The following ARIH2 variants were observed in gnomAD, a reference collection of about 807,000 sequenced individuals.
ARIH2 encodes ariadne RBR E3 ubiquitin protein ligase 2, also known as E3 ubiquitin-protein ligase ARIH2.
In ARIH2, 12 loss-of-function variants were observed where a neutral mutation model predicts 79.8. The observed-to-expected ratio is 0.15, with a 90% CI of 0.10 to 0.24. ARIH2 has a LOEUF of 0.24. ARIH2 is among the 10% of genes least tolerant of loss of function. ARIH2 has a pLI of 1.00. For missense variants in ARIH2, 301 were observed against 618.3 expected (o/e 0.49, Z 5.44); for synonymous variants, 224 against 213.9 (o/e 1.05, Z -0.41).
intron 1 of ARIH2, 36 bp from the exon 2 acceptor site, chr3:48,922,712 G>A (rs1362453472): frequency 6.6e-6 from 1 of 151,922 alleles, no homozygotes. Flanking sequence ...CAGTATACCA[G>A]CTTTAAAAAT....
intron 3 of ARIH2, among the ~76,000 whole-genome samples, chr3:48,938,766 G>A (rs1178162246): frequency 6.6e-6 from 1 of 151,954 alleles, no homozygotes; most frequent in Non-Finnish European, 1.5e-5. Context: ...ATTACAAAAT[G>A]TAAGCCAGTT....
intron 5 of ARIH2, among the ~76,000 whole-genome samples, chr3:48,966,550 G>C (rs1327984766): frequency 1.3e-5 from 2 of 152,044 alleles, no homozygotes; most frequent in African/African-American, 2.4e-5. Flanking sequence ...TGTGACATCT[G>C]GTGTATTAAG....
chr3:48,934,873 C>T (rs1032235543), intron 3 of ARIH2: 2 of 985,348 alleles, frequency 2.0e-6, no homozygotes, highest in Non-Finnish European at 2.4e-6. Flanking sequence ...TCAAGGCCAG[C>T]TTTCATTCTA....
chr3:48,944,843 C>G (rs1298532299), intron 3 of ARIH2: 1 of 309,676 alleles, frequency 3.2e-6, no homozygotes, highest in Non-Finnish European at 6.4e-6. Flanking sequence ...CCACATCATC[C>G]CTTGTCCCCC....
chr3:48,940,370 T>G (rs903469965), intron 3 of ARIH2, among the ~76,000 whole-genome samples: 3 of 151,784 alleles, frequency 2.0e-5, no homozygotes, highest in Non-Finnish European at 4.4e-5. Context: ...GATAGATAGA[T>G]AGATTAGATA....
intron 14 of ARIH2, 59 bp downstream of exon 14, chr3:48,981,787 C>G: frequency 2.2e-6 from 3 of 1,382,318 alleles, no homozygotes; most frequent in South Asian, 2.3e-5. Flanking sequence ...CCTTCTCTAC[C>G]AGCACTTTGC....
chr3:48,934,634 A>G (rs2086867231), intron 3 of ARIH2: 1 of 985,428 alleles, frequency 1.0e-6, no homozygotes. Context: ...GTTTGTTAAC[A>G]TGTTTCACAG....
chr3:48,961,587 G>A (rs2091271451), intron 3 of ARIH2, 25 bp from the exon 4 acceptor site: 3 of 1,444,034 alleles, frequency 2.1e-6, no homozygotes, highest in South Asian at 1.1e-5. Context: ...GTTATAATTC[G>A]ATTTTTTTTC....
At chr3:48,922,126 T>TAAAG (rs1366146308) in intron 1 of ARIH2, among the ~76,000 whole-genome samples, 1 of 151,710 alleles carries the variant, frequency 6.6e-6, no homozygotes, top group African/African-American at 2.4e-5. Context: ...AATACTGGAG[T>TAAAG]AAAGAAGCAG....
intron 3 of ARIH2, chr3:48,934,810 A>C (rs543357602): frequency 3.0e-6 from 3 of 985,434 alleles, no homozygotes; most frequent in African/African-American, 3.5e-5. Flanking sequence ...TGTGTACCTG[A>C]TACCATACAA....
chr3:48,982,695 G>A, intron 14 of ARIH2: 1 of 569,958 alleles, frequency 1.8e-6, no homozygotes, highest in Non-Finnish European at 3.1e-6. Context: ...GGTCGAGGGT[G>A]AATGTGGCCT....
intron 3 of ARIH2, among the ~76,000 whole-genome samples, chr3:48,953,132 G>A (rs950464968): frequency 7.2e-5 from 11 of 152,066 alleles, no homozygotes; most frequent in Non-Finnish European, 1.5e-4. Context: ...GTTTCACTAT[G>A]TTGGCCAGGC....
intron 3 of ARIH2, among the ~76,000 whole-genome samples, chr3:48,932,057 T>G (rs2086442786): frequency 6.6e-6 from 1 of 152,078 alleles, no homozygotes; most frequent in Non-Finnish European, 1.5e-5. Flanking sequence ...GGCTTTTAGT[T>G]TAATGAGGGC....
At chr3:48,934,584 A>T in intron 3 of ARIH2, 1 of 985,426 alleles carries the variant, frequency 1.0e-6, no homozygotes, top group African/African-American at 1.7e-5. Context: ...AGTAGAACTT[A>T]GGTTAAATTC....
chr3:48,981,611 G>A, intron 13 of ARIH2, 49 bp from the exon 14 acceptor site: 1 of 1,519,964 alleles, frequency 6.6e-7, no homozygotes, highest in South Asian at 1.1e-5. Flanking sequence ...TGAGATGCAG[G>A]TAGCTTAGAA....
At position 48,982,892 on chromosome 3, in the gene ARIH2, A is replaced by G; in HGVS notation, c.1327-4A>G. On this transcript the variant is annotated splice_region_variant and splice_polypyrimidine_tract_variant and intron_variant, in intron 14 of 15. Transcript: ENST00000356401. ...CTTTTGACCCTCCTGCTCTGCCTAT[A>G]CAGTTTGAATACCAGCAGGCTCAGC... 6.2e-7 allele frequency: 1 copy of G among 1,613,902 alleles called. No homozygotes were observed. The highest frequency in any genetic ancestry group is 1.1e-5 in the South Asian group (1 of 91,078).
chr3:48,932,489 CCATAAG>C (rs2086504720), intron 3 of ARIH2, among the ~76,000 whole-genome samples: 1 of 152,124 alleles, frequency 6.6e-6, no homozygotes, highest in South Asian at 2.1e-4. Context: ...CTTCTTGTAA[CCATAAG>C]CATTTTTATT....
intron 1 of ARIH2, chr3:48,919,328 A>G (rs2084408543): frequency 2.6e-6 from 2 of 761,796 alleles, no homozygotes; most frequent in Non-Finnish European, 3.6e-6. Flanking sequence ...TCACCACTCG[A>G]GTCATCTTTG....
At chr3:48,923,600 C>A (rs1393581466) in intron 2 of ARIH2, among the ~76,000 whole-genome samples, 1 of 151,192 alleles carries the variant, frequency 6.6e-6, no homozygotes, top group Admixed American at 6.6e-5. Flanking sequence ...TGTCTCACTG[C>A]AGTCTTTGCC....
Sources: allele counts gnomAD v4.1 joint callset (sites outside exome capture counted in the v4.1 genomes callset), GRCh38; gene constraint gnomAD v4.1.1; transcripts MANE v1.5; gene names NCBI Gene and HGNC (gene_info 2026-07-23, HGNC 2026-07-21).